GNA14: variants seen among roughly 807,000 people sequenced by gnomAD.
The protein encoded by GNA14 is guanine nucleotide-binding protein subunit alpha-14.
Under a neutral mutation model 42.0 loss-of-function variants are expected in GNA14, and 50 were observed. The ratio of observed to expected loss-of-function variants is 1.19; its 90% CI spans 0.95 to 1.51. The LOEUF (loss-of-function observed/expected upper bound fraction) is 1.51, where lower values mean the gene tolerates loss of function less well. GNA14 is among the 40% of genes most tolerant of loss of function. The pLI is 0.00. For missense variants in GNA14, 473 were observed against 446.2 expected (o/e 1.06, Z -0.54); for synonymous variants, 173 against 163.1 (o/e 1.06, Z -0.46).
chr9:77,447,331 C>T (rs188277704), intron 2 of GNA14, among the ~76,000 whole-genome samples: 1 of 152,282 alleles, frequency 6.6e-6, no homozygotes, highest in Non-Finnish European at 1.5e-5. Context: ...TTCAAGGTCC[C>T]GTTTCTCAGA....
chr9:77,550,316 G>C (rs73651535), intron 1 of GNA14, among the ~76,000 whole-genome samples: 2,029 of 152,240 alleles, frequency 0.013, 52 homozygotes, highest in African/African-American at 0.046. Flanking sequence ...ATCTCACTTC[G>C]ATTTGTTTGC....
At chr9:77,433,331 C>T (rs928807441) in intron 3 of GNA14, among the ~76,000 whole-genome samples, 1 of 152,088 alleles carries the variant, frequency 6.6e-6, no homozygotes, top group Non-Finnish European at 1.5e-5. Flanking sequence ...AACTATTTAC[C>T]CGGTGACCAG....
At chr9:77,489,298 G>A (rs979000154) in intron 2 of GNA14, among the ~76,000 whole-genome samples, 12 of 152,098 alleles carry the variant, frequency 7.9e-5, no homozygotes, top group Non-Finnish European at 1.3e-4. Context: ...ACAAAAGACA[G>A]AATCTAAGAA....
rs758409416 is a variant in GNA14 at position 77,647,692 on chromosome 9, A to G, written c.102T>C (p.Arg34=). Residue 34 remains arginine (R), a synonymous_variant, in exon 1 of 7, where the codon CGT becomes CGC. Transcript: ENST00000341700. The part of the protein sequence containing the change: ...QLRRDKKDAR[R]ELKLLLLGTG... ...CACCCAGCAGCAGCAGCTTAAGCTC[A>G]CGGCGCGCGTCCTTCTTGTCCCGAC... 1.9e-6 allele frequency: 3 copies of G among 1,604,752 alleles called. No individual in the cohort carries two copies. The Middle Eastern group carries it at 5.0e-4, about 265-fold the overall frequency.
chr9:77,647,833 C>G lies in GNA14; in HGVS notation c.-40G>C. The stretch of plus-strand genomic sequence containing the variant: ...AGTACCCGACGGGGCGACGCGGCCC[C>G]GGGCACCCGAATCCTCGGCCCGGCC... On this transcript the variant is annotated 5_prime_UTR_variant, in exon 1 of 7. Coordinates refer to ENST00000341700, the MANE Select transcript of GNA14 (RefSeq NM_004297.4). 1 of 1,587,900 alleles carries G rather than the reference C, an allele frequency of 6.3e-7. No homozygotes were observed. Among genetic ancestry groups the G allele is most frequent in the Admixed American group, 1.7e-5 (1 of 57,800 alleles).
chr9:77,425,411 A>G, intron 6 of GNA14, 151 bp downstream of exon 6: 1 of 569,482 alleles, frequency 1.8e-6, no homozygotes, highest in South Asian at 2.4e-5. Flanking sequence ...ACAATGGTGC[A>G]ACTAGAGCTT....
Position 77,594,847 on chromosome 9 carries a change from A to C in GNA14, c.124+52823T>G, listed in dbSNP as rs1357250013. On this transcript the variant is annotated intron_variant, in intron 1 of 6. Transcript: ENST00000341700. ...GTGCATGGGAGAGCAGCCCACATTG[A>C]ATAAGTCCATGCTCACTCTAAACAC... Among the ~76,000 whole-genome samples the C allele has an allele frequency of 2.0e-5, 3 of 152,218 alleles. No individual in the cohort carries two copies. The South Asian group carries it at 6.2e-4, about 32-fold the overall frequency.
chr9:77,462,372 C>T (rs895794288), intron 2 of GNA14, among the ~76,000 whole-genome samples: 17 of 152,100 alleles, frequency 1.1e-4, no homozygotes, highest in African/African-American at 1.7e-4. Context: ...GGGAGGCTGA[C>T]GGTATGCTCC....
chr9:77,581,632 A>G (rs1823225241), intron 1 of GNA14, among the ~76,000 whole-genome samples: 2 of 152,172 alleles, frequency 1.3e-5, no homozygotes, highest in South Asian at 4.1e-4. Context: ...CATTGGTAAA[A>G]TTACCCCAAT....
chr9:77,634,328 G>A (rs187330878), intron 1 of GNA14, among the ~76,000 whole-genome samples: 3 of 151,322 alleles, frequency 2.0e-5, no homozygotes, highest in Non-Finnish European at 4.4e-5. Flanking sequence ...TGAAGTGAGA[G>A]GATCCCTTGA....
chr9:77,450,458 C>T (rs776871862), intron 2 of GNA14, among the ~76,000 whole-genome samples: 1 of 152,150 alleles, frequency 6.6e-6, no homozygotes, highest in Non-Finnish European at 1.5e-5. Flanking sequence ...CGATTCTCAT[C>T]ATTCATGATT....
rs148544176 is a variant in GNA14 at position 77,529,185 on chromosome 9, C to T, written c.193G>A (p.Asp65Asn). The T allele has an allele frequency of 1.5e-4, 241 of 1,613,798 alleles. No individual in the cohort carries two copies. The highest frequency in any genetic ancestry group is 3.1e-4 in the African/African-American group (23 of 74,914). Residue 65 changes from aspartate (D) to asparagine (N), a missense_variant, in exon 2 of 7, where the codon GAC becomes AAC. Coordinates refer to ENST00000341700, the MANE Select transcript of GNA14 (RefSeq NM_004297.4). ...TTCGTGAACCCCTTTCTGTCTTCGT[C>T]GCTGTAACCAGACCCATGGATAATT... ...MRIIHGSGYS[D>N]EDRKGFTKLV...
rs533384558 is a variant in GNA14, at chr9:77,509,294, G to A, written c.309+19775C>T. Among the ~76,000 whole-genome samples, 54 of 152,212 alleles carry A rather than the reference G, an allele frequency of 3.5e-4. 1 individual carries two copies. The highest frequency in any genetic ancestry group is 2.5e-3 in the South Asian group (12 of 4,822). On this transcript the variant is annotated intron_variant, in intron 2 of 6. Transcript: ENST00000341700. ...GTGTCAGAATTTCATTTCTTTTTGA[G>A]GCCGAATCATATTCCATTGCATGTA...
At position 77,429,007 on chromosome 9, in the gene GNA14, T is replaced by C. The variant is rs954588636; in HGVS notation, c.623A>G (p.Glu208Gly). The C allele has an allele frequency of 5.6e-6, 9 of 1,613,948 alleles. No homozygotes were observed. The African/African-American group carries it at 9.3e-5, about 17-fold the overall frequency. The part of the protein sequence containing the change: ...RMVDVGGQRS[E>G]RRKWIHCFES... ...AAAGCAGTGAATCCACTTCCGTCTT[T>C]CCGATCGTTGGCCACCAACATCCAC... Residue 208 changes from glutamate to glycine, a missense_variant, in exon 5 of 7, where the codon GAA becomes GGA. Coordinates refer to ENST00000341700, the MANE Select transcript of GNA14 (RefSeq NM_004297.4).
chr9:77,545,042 G>A (rs1465820708), intron 1 of GNA14, among the ~76,000 whole-genome samples: 3 of 151,906 alleles, frequency 2.0e-5, no homozygotes, highest in Non-Finnish European at 4.4e-5. Context: ...AAAAGAAAGG[G>A]TAAAGACAAA....
chr9:77,590,356 G>C (rs570633634), intron 1 of GNA14, among the ~76,000 whole-genome samples: 1 of 152,170 alleles, frequency 6.6e-6, no homozygotes, highest in Non-Finnish European at 1.5e-5. Context: ...TCACATTCTT[G>C]AGGGAGTACA....
chr9:77,557,681 G>C (rs145532646), intron 1 of GNA14, among the ~76,000 whole-genome samples: 1 of 152,192 alleles, frequency 6.6e-6, no homozygotes, highest in South Asian at 2.1e-4. Flanking sequence ...AGTGGAACAA[G>C]GAGTGCGGTG....
intron 1 of GNA14, among the ~76,000 whole-genome samples, chr9:77,645,924 G>A (rs1307168066): frequency 1.3e-5 from 2 of 152,178 alleles, no homozygotes; most frequent in South Asian, 2.1e-4. Context: ...TCTGGTTTGT[G>A]GGGTTCAGGG....
Position 77,648,059 on chromosome 9 carries a change from G to A in GNA14, c.-266C>T. 1 of 492,254 alleles carries A rather than the reference G, an allele frequency of 2.0e-6. No homozygotes were observed. The highest frequency in any genetic ancestry group is 3.6e-6 in the Non-Finnish European group (1 of 280,804). The allele number at this position is 492,254 out of a possible 1,614,324, so 30.5% of individuals were successfully genotyped here. A position where few individuals can be genotyped will look rare whatever the true frequency, so the allele number is the denominator to read the frequency against. On this transcript the variant is annotated 5_prime_UTR_variant, in exon 1 of 7. Coordinates refer to ENST00000341700, the MANE Select transcript of GNA14 (RefSeq NM_004297.4). ...CTCAGCCCGCCCCACTCTCGCTCTG[G>A]GGAGGAGGAGGGCGAGTCGAGAAGT...
Sources: allele counts gnomAD v4.1 joint callset (sites outside exome capture counted in the v4.1 genomes callset), GRCh38; gene constraint gnomAD v4.1.1; transcripts MANE v1.5; gene names NCBI Gene and HGNC (gene_info 2026-07-23, HGNC 2026-07-21).